Variants in KCNJ10 observed in about 807,000 individuals in gnomAD.
The protein encoded by KCNJ10 is ATP-sensitive inward rectifier potassium channel 10.
In KCNJ10, 9 loss-of-function variants were observed where a neutral mutation model predicts 22.2. That is an observed-to-expected ratio of 0.40 (90% CI 0.24 to 0.71). KCNJ10 has a LOEUF of 0.71. KCNJ10 is among the 30% of genes least tolerant of loss of function. KCNJ10 has a pLI of 0.35. For missense variants in KCNJ10, 337 were observed against 482.7 expected, an observed-to-expected ratio of 0.70 and a Z score of 2.83; for synonymous variants, 184 against 187.3, an observed-to-expected ratio of 0.98 and a Z score of 0.15.
At chr1:160,058,470 C>A (rs781428491) in intron 1 of KCNJ10, among the ~76,000 whole-genome samples, 1 of 152,200 alleles carries the variant, frequency 6.6e-6, no homozygotes, top group Non-Finnish European at 1.5e-5. Flanking sequence ...AGGACAGAGG[C>A]AGAAAACTTC....
At chr1:160,044,151 A>C (rs1648683398) in intron 1 of KCNJ10, among the ~76,000 whole-genome samples, 1 of 152,200 alleles carries the variant, frequency 6.6e-6, no homozygotes, top group African/African-American at 2.4e-5. Context: ...GAGAACCCTG[A>C]GAATGTTCAG....
At chr1:160,060,208 G>A (rs1214686877) in intron 1 of KCNJ10, among the ~76,000 whole-genome samples, 1 of 152,098 alleles carries the variant, frequency 6.6e-6, no homozygotes, top group Non-Finnish European at 1.5e-5. Flanking sequence ...ATGGGGTAGG[G>A]ATGGCATGAG....
chr1:160,057,594 C>T (rs1649071594), intron 1 of KCNJ10, among the ~76,000 whole-genome samples: 1 of 152,204 alleles, frequency 6.6e-6, no homozygotes, highest in Non-Finnish European at 1.5e-5. Context: ...CTCTTGTCTG[C>T]CCCCAGCCTC....
chr1:160,054,099 C>T (rs1648969282), intron 1 of KCNJ10, among the ~76,000 whole-genome samples: 1 of 152,200 alleles, frequency 6.6e-6, no homozygotes, highest in African/African-American at 2.4e-5. Context: ...CCCTGTTTCG[C>T]CGGCTGGAGA....
chr1:160,069,812 A>G (rs1439347878), intron 1 of KCNJ10, among the ~76,000 whole-genome samples: 1 of 152,106 alleles, frequency 6.6e-6, no homozygotes, highest in African/African-American at 2.4e-5. Flanking sequence ...GGCTGAGGTG[A>G]CCAGCCTGGC....
intron 1 of KCNJ10, among the ~76,000 whole-genome samples, chr1:160,050,871 C>A (rs1356882125): frequency 6.6e-6 from 1 of 152,088 alleles, no homozygotes; most frequent in East Asian, 1.9e-4. Flanking sequence ...TCAGGCCCTG[C>A]AGCTCCTGCA....
intron 1 of KCNJ10, among the ~76,000 whole-genome samples, chr1:160,042,936 C>A (rs1442772273): frequency 1.7e-3 from 229 of 136,348 alleles, no homozygotes; most frequent in Middle Eastern, 7.2e-3. Flanking sequence ...GACTCCGTCT[C>A]AAAAAAAAAA....
rs376362239 is a variant in KCNJ10, at chr1:160,066,566, C to T, written c.-1+3456G>A. On this transcript the variant is annotated intron_variant, in intron 1 of 1. Transcript: ENST00000644903. Reference sequence around the variant, plus strand: ...CCTTACGGTAGTCACTGTGCATCCTCACAGCAGTTATGAGCCCTATTGTGA... The same window carrying T: ...CCTTACGGTAGTCACTGTGCATCCTTACAGCAGTTATGAGCCCTATTGTGA... Among the ~76,000 whole-genome samples, 21 of 152,282 alleles carry T rather than the reference C, an allele frequency of 1.4e-4. No individual in the cohort carries two copies. The East Asian group carries it at 3.9e-3, about 28-fold the overall frequency.
In KCNJ10 at chr1:160,042,228, G is replaced by A. The variant is rs372156619; in HGVS notation, c.305C>T (p.Pro102Leu). Residue 102 changes from proline to leucine, a missense_variant, in exon 2 of 2, where the codon CCG becomes CTG. Pro to Leu is a moderately conservative substitution (Grantham distance 98). Transcript: ENST00000644903. ...AHGDLLELDP[P>L]ANHTPCVVQV... is the part of the protein sequence containing the mutation. ...TACCACACAGGGGGTGTGGTTGGCC[G>A]GGGGGTCCAGCTCCAGCAGGTCCCC... The A allele has an allele frequency of 2.8e-5, 45 of 1,612,304 alleles. No homozygotes were observed. The African/African-American group carries it at 3.1e-4, about 11-fold the overall frequency.
At chr1:160,054,467 A>G (rs1217953352) in intron 1 of KCNJ10, among the ~76,000 whole-genome samples, 2 of 152,232 alleles carry the variant, frequency 1.3e-5, no homozygotes, top group Non-Finnish European at 2.9e-5. Flanking sequence ...AGCCAGAAGA[A>G]TTAGTATCAG....
chr1:160,062,352 A>G (rs910109155), intron 1 of KCNJ10: 13 of 152,414 alleles, frequency 8.5e-5, no homozygotes, highest in South Asian at 2.1e-4. Flanking sequence ...AGCCGCCTCA[A>G]TGGAGCTCCC....
intron 1 of KCNJ10, 28 bp from the exon 2 acceptor site, chr1:160,042,560 G>T (rs1255962880): frequency 3.1e-6 from 5 of 1,605,452 alleles, no homozygotes; most frequent in Non-Finnish European, 4.3e-6. Context: ...GCATAATGGA[G>T]GTTATCGTAG....
intron 1 of KCNJ10, among the ~76,000 whole-genome samples, chr1:160,062,906 T>C (rs1192136817): frequency 1.3e-5 from 2 of 152,162 alleles, no homozygotes; most frequent in African/African-American, 4.8e-5. Context: ...GCTCTGGTTC[T>C]GGAGGCTGAA....
intron 1 of KCNJ10, among the ~76,000 whole-genome samples, chr1:160,062,061 G>A (rs1649212177): frequency 1.3e-5 from 2 of 151,968 alleles, no homozygotes; most frequent in South Asian, 4.2e-4. Context: ...CAGAGAACCT[G>A]CATTCCAACT....
rs568642431 is a variant in KCNJ10 at position 160,045,678 on chromosome 1, A to T, written c.1-3146T>A. On this transcript the variant is annotated intron_variant, in intron 1 of 1. Coordinates refer to ENST00000644903, the MANE Select transcript of KCNJ10 (RefSeq NM_002241.5). Reference sequence around the variant, plus strand: ...GATTCTACTCTGCTCTGTTCATCCCACACCTGCAGTATCCAGCATCAAGGA... The same window carrying T: ...GATTCTACTCTGCTCTGTTCATCCCTCACCTGCAGTATCCAGCATCAAGGA... Among the ~76,000 whole-genome samples the T allele has an allele frequency of 1.8e-3, 269 of 152,332 alleles. 3 individuals are homozygous for T. Among genetic ancestry groups the T allele is most frequent in the African/African-American group, 5.6e-3 (231 of 41,572 alleles).
chr1:160,060,806 G>A (rs1020425884), intron 1 of KCNJ10, among the ~76,000 whole-genome samples: 5 of 152,144 alleles, frequency 3.3e-5, no homozygotes, highest in Non-Finnish European at 5.9e-5. Context: ...ACAGATCCTC[G>A]TGCAGACGTA....
At position 160,070,011 on chromosome 1, in the gene KCNJ10, C is replaced by T. The variant is rs765287915; in HGVS notation, c.-1+11G>A. The T allele has an allele frequency of 2.6e-5, 4 of 152,616 alleles. No individual in the cohort carries two copies. Among genetic ancestry groups the T allele is most frequent in the Non-Finnish European group, 5.8e-5 (4 of 68,456 alleles). The allele number at this position is 152,616 out of a possible 1,614,324, so 9.5% of individuals were successfully genotyped here. Reference sequence around the variant, plus strand: ...GGCGGCAGAACTCCTTCATCAGGGCCAGGGTCTTACCTTGGGTCCGAGGTG... The same window carrying T: ...GGCGGCAGAACTCCTTCATCAGGGCTAGGGTCTTACCTTGGGTCCGAGGTG... On this transcript the variant is annotated intron_variant, in intron 1 of 1. Coordinates refer to ENST00000644903, the MANE Select transcript of KCNJ10 (RefSeq NM_002241.5). This position sits in a 1 kb window ranked among gnomAD's most constrained non-coding sequence, Gnocchi z 4.3.
intron 1 of KCNJ10, among the ~76,000 whole-genome samples, chr1:160,059,980 A>G (rs572799499): frequency 6.6e-6 from 1 of 152,266 alleles, no homozygotes; most frequent in African/African-American, 2.4e-5. Flanking sequence ...GGTACTCTGT[A>G]CCTGTCATTC....
intron 1 of KCNJ10, among the ~76,000 whole-genome samples, chr1:160,061,585 T>C (rs1393451728): frequency 6.6e-6 from 1 of 151,842 alleles, no homozygotes; most frequent in Non-Finnish European, 1.5e-5. Context: ...TATAAGCAGG[T>C]GCAGTCTGGG....
Sources: gnomAD v4.1 joint callset for allele counts (sites outside exome capture counted in the v4.1 genomes callset) on GRCh38, gnomAD v4.1.1 for gene constraint, Gnocchi (gnomAD v3.1) non-coding constraint, MANE v1.5 for transcripts, NCBI Gene and HGNC (gene_info 2026-07-23, HGNC 2026-07-21) for gene names.